The following NSA2 variants were observed in gnomAD, a reference collection of about 807,000 sequenced individuals.
NSA2 encodes the protein ribosome biogenesis protein NSA2 homolog.
In NSA2, 18 loss-of-function variants were observed where a neutral mutation model predicts 34.8. That is an observed-to-expected ratio of 0.52 (90% CI 0.36 to 0.77). The LOEUF (loss-of-function observed/expected upper bound fraction) is 0.77. NSA2 is among the 30% of genes least tolerant of loss of function. The pLI, the probability that NSA2 is intolerant of heterozygous loss-of-function variation, is 0.00. For missense variants in NSA2, 188 were observed against 314.7 expected, an observed-to-expected ratio of 0.60 and a Z score of 3.05; for synonymous variants, 79 against 100.2, an observed-to-expected ratio of 0.79 and a Z score of 1.26.
At chr5:74,770,572 G>T in intron 3 of NSA2, 59 bp from the exon 4 acceptor site, 2 of 1,304,278 alleles carry the variant, frequency 1.5e-6, no homozygotes, top group South Asian at 3.0e-5. Flanking sequence ...AAACATATTT[G>T]ACTTATTCTC....
In NSA2 at chr5:74,778,558, G is replaced by C. The variant is rs1457066361; in HGVS notation, c.*1887G>C. 6.6e-6 allele frequency: 1 copy of C among 151,584 alleles called. No homozygotes were observed. The highest frequency in any genetic ancestry group is 1.5e-5 in the Non-Finnish European group (1 of 67,854). The allele number at this position is 151,584 out of a possible 1,614,324, so 9.4% of individuals were successfully genotyped here. On this transcript the variant is annotated 3_prime_UTR_variant, in exon 6 of 6. Transcript: ENST00000610426. ...TACCATGAATATAGACACATTTTAA[G>C]TAGAAGACTGACGTTCTAAATCATG...
intron 1 of NSA2, 139 bp from the exon 2 acceptor site, chr5:74,768,792 T>A (rs1441957086): frequency 1.6e-6 from 1 of 641,890 alleles, no homozygotes; most frequent in Admixed American, 3.7e-5. Context: ...ATCATGTGAA[T>A]AAACTTAATG....
intron 5 of NSA2, among the ~76,000 whole-genome samples, chr5:74,775,629 A>G (rs1235559239): frequency 6.6e-6 from 1 of 152,070 alleles, no homozygotes; most frequent in Non-Finnish European, 1.5e-5. Flanking sequence ...TAAAATAAAA[A>G]TATTTTGATC....
At position 74,769,130 on chromosome 5, in the gene NSA2, C is replaced by G. The variant is rs762574471; in HGVS notation, c.191+12C>G. 1.1e-5 allele frequency: 17 copies of G among 1,598,736 alleles called. No homozygotes were observed. Among genetic ancestry groups the G allele is most frequent in the Non-Finnish European group, 1.4e-5 (16 of 1,174,994 alleles). On this transcript the variant is annotated intron_variant, in intron 2 of 5. Coordinates refer to ENST00000610426, the MANE Select transcript of NSA2 (RefSeq NM_014886.6). ...CAAATGAAAAAGACGTAAGTGGTCT[C>G]ATTTATTTGTCATAACAAGTTAACA...
intron 5 of NSA2, among the ~76,000 whole-genome samples, chr5:74,776,343 C>T (rs1000131685): frequency 6.6e-6 from 1 of 152,070 alleles, no homozygotes; most frequent in South Asian, 2.1e-4. Context: ...CTACAAAATA[C>T]AAAAACAAAA....
rs1332855592 is a variant in NSA2, at chr5:74,778,435, T to C, written c.*1764T>C. 1 of 152,046 alleles carries C rather than the reference T, an allele frequency of 6.6e-6. No homozygotes were observed. The highest frequency in any genetic ancestry group is 1.5e-5 in the Non-Finnish European group (1 of 67,910). 9.4% of individuals were successfully genotyped at this position (152,046 alleles called of 1,614,324 possible). A position where few individuals can be genotyped will look rare whatever the true frequency, so the allele number is the denominator to read the frequency against. On this transcript the variant is annotated 3_prime_UTR_variant, in exon 6 of 6. Transcript: ENST00000610426. ...TGCAATCATAAACCTTCAAGATTTC[T>C]AGTCACTGAAACCCCATTGTAGGTA...
chr5:74,776,431 G>A (rs1190167312), intron 5 of NSA2, among the ~76,000 whole-genome samples, 173 bp from the exon 6 acceptor site: 14 of 152,168 alleles, frequency 9.2e-5, no homozygotes, highest in South Asian at 2.1e-4. Flanking sequence ...TTGAGCCCAG[G>A]AGGCAGAGGT....
chr5:74,777,376 G>C lies in NSA2; in HGVS notation c.*705G>C, dbSNP rs1745171816. ...ACTTTCAGAATAGTATTAAGAATTA[G>C]TTTAAGTAACTCCAGCTAAGTTTTA... On this transcript the variant is annotated 3_prime_UTR_variant, in exon 6 of 6. Coordinates refer to ENST00000610426, the MANE Select transcript of NSA2 (RefSeq NM_014886.6). 6.6e-6 allele frequency: 1 copy of C among 152,092 alleles called. No individual in the cohort carries two copies. Among genetic ancestry groups the C allele is most frequent in the South Asian group, 2.1e-4 (1 of 4,838 alleles). The allele number at this position is 152,092 out of a possible 1,614,324, so 9.4% of individuals were successfully genotyped here.
At position 74,780,067 on chromosome 5, in the gene NSA2, T is replaced by G. The variant is rs1266646289; in HGVS notation, c.*3396T>G. The G allele has an allele frequency of 6.6e-6, 1 of 152,322 alleles. No homozygotes were observed. Among genetic ancestry groups the G allele is most frequent in the Non-Finnish European group, 1.5e-5 (1 of 68,032 alleles). The allele number at this position is 152,322 out of a possible 1,614,324, so 9.4% of individuals were successfully genotyped here. A position where few individuals can be genotyped will look rare whatever the true frequency, so the allele number is the denominator to read the frequency against. ...AACTGTTTTTAGATTATCTTTGGAT[T>G]CTAATAACCATTTTGTCCATTTTTA... On this transcript the variant is annotated 3_prime_UTR_variant, in exon 6 of 6. Coordinates refer to ENST00000610426, the MANE Select transcript of NSA2 (RefSeq NM_014886.6).
rs776158945 is a variant in NSA2, at chr5:74,776,749, ACCAAACAG to A, written c.*82_*89del. On this transcript the variant is annotated 3_prime_UTR_variant, in exon 6 of 6. Transcript: ENST00000610426. ...CATTACTGTGATGTTTCTGAATACT[ACCAAACAG>A]CCATACATGTCTGCAATGAAGAGAT... is the stretch of plus-strand genomic sequence containing the variant. 1.9e-5 allele frequency: 15 copies of A among 782,106 alleles called. No homozygotes were observed. The highest frequency in any genetic ancestry group is 3.2e-5 in the Non-Finnish European group (14 of 434,514). The allele number at this position is 782,106 out of a possible 1,614,324, so 48.4% of individuals were successfully genotyped here.
chr5:74,769,547 TAA>T, intron 3 of NSA2, 183 bp downstream of exon 3: 1 of 463,610 alleles, frequency 2.2e-6, no homozygotes, highest in Non-Finnish European at 3.6e-6. Context: ...TTTTAAAATT[TAA>T]GTTATAAAAA....
chr5:74,768,182 G>C (rs1337664161), intron 1 of NSA2, among the ~76,000 whole-genome samples: 1 of 152,228 alleles, frequency 6.6e-6, no homozygotes, highest in Non-Finnish European at 1.5e-5. Flanking sequence ...GTTTATTGCA[G>C]ATTTATTCGT....
chr5:74,770,949 T>C, intron 4 of NSA2, 139 bp downstream of exon 4: 1 of 748,388 alleles, frequency 1.3e-6, no homozygotes, highest in East Asian at 3.0e-5. Context: ...TTTGTTATTT[T>C]ATTGACAGAA....
chr5:74,774,853 A>T (rs1487022217), intron 5 of NSA2, among the ~76,000 whole-genome samples: 2 of 152,210 alleles, frequency 1.3e-5, no homozygotes, highest in Non-Finnish European at 2.9e-5. Context: ...TTATATTTAC[A>T]TGCTAACATT....
rs917551171 is a variant in NSA2 at position 74,778,999 on chromosome 5, GAGTT to G, written c.*2331_*2334del. 4 of 152,130 alleles carry G rather than the reference GAGTT, an allele frequency of 2.6e-5. No individual in the cohort carries two copies. The highest frequency in any genetic ancestry group is 1.3e-4 in the Admixed American group (2 of 15,280). The allele number at this position is 152,130 out of a possible 1,614,324, so 9.4% of individuals were successfully genotyped here. On this transcript the variant is annotated 3_prime_UTR_variant, in exon 6 of 6. Transcript: ENST00000610426. ...TCTATACTCAAGTTACTGAACATGA[GAGTT>G]AGGTTTTTCCAAGTGATCTAACTTT...
chr5:74,772,227 C>T (rs375499124), intron 4 of NSA2, among the ~76,000 whole-genome samples: 9 of 151,614 alleles, frequency 5.9e-5, no homozygotes, highest in African/African-American at 2.2e-4. Context: ...CGGGTTCTCG[C>T]CATTCTCCTG....
chr5:74,773,254 TATA>T, intron 4 of NSA2, among the ~76,000 whole-genome samples: 1 of 151,970 alleles, frequency 6.6e-6, no homozygotes, highest in African/African-American at 2.4e-5. Context: ...GCCTGGTATA[TATA>T]AAGTCCTTAG....
chr5:74,776,954 A>C lies in NSA2; in HGVS notation c.*283A>C. 4.2e-6 allele frequency: 1 copy of C among 240,400 alleles called. No homozygotes were observed. Among genetic ancestry groups the C allele is most frequent in the Non-Finnish European group, 8.0e-6 (1 of 125,406 alleles). 14.9% of individuals were successfully genotyped at this position (240,400 alleles called of 1,614,324 possible). On this transcript the variant is annotated 3_prime_UTR_variant, in exon 6 of 6. Transcript: ENST00000610426. The stretch of plus-strand genomic sequence containing the variant: ...TGGGTATTCAGCAATTTCCTGAAAA[A>C]ACCACCAGTGTTCATTGAAAATGCC...
In NSA2 at chr5:74,778,955, G is replaced by A. The variant is rs1244741000; in HGVS notation, c.*2284G>A. 1.3e-5 allele frequency: 2 copies of A among 152,060 alleles called. No individual in the cohort carries two copies. Among genetic ancestry groups the A allele is most frequent in the Non-Finnish European group, 2.9e-5 (2 of 67,928 alleles). 9.4% of individuals were successfully genotyped at this position (152,060 alleles called of 1,614,324 possible). On this transcript the variant is annotated 3_prime_UTR_variant, in exon 6 of 6. Transcript: ENST00000610426. ...AAGTTCATGTAGGTTCCTTATTGAA[G>A]ATAAATTGTGGTATAAATTCTATAC...
Sources: gnomAD v4.1 joint callset for allele counts (sites outside exome capture counted in the v4.1 genomes callset) on GRCh38, gnomAD v4.1.1 for gene constraint, MANE v1.5 for transcripts, NCBI Gene and HGNC (gene_info 2026-07-23, HGNC 2026-07-21) for gene names.